CCDC146: variants seen among roughly 807,000 people sequenced by gnomAD.
CCDC146 encodes the protein coiled-coil domain containing 146.
CCDC146 carries 92 observed loss-of-function variants against 119.3 expected under a neutral mutation model. The ratio of observed to expected loss-of-function variants is 0.77; its 90% CI spans 0.65 to 0.92. The LOEUF (loss-of-function observed/expected upper bound fraction) is 0.92. Among genes scored for constraint, CCDC146 ranks in the 40% least tolerant of loss-of-function variants. CCDC146 has a pLI of 0.00. For missense variants in CCDC146, 1,000 were observed against 1,103.0 expected, an observed-to-expected ratio of 0.91 and a Z score of 1.32; for synonymous variants, 372 against 371.8, an observed-to-expected ratio of 1.00 and a Z score of -0.01.
At chr7:77,199,887 GA>G in intron 2 of CCDC146, 1 of 1,427,896 alleles carries the variant, frequency 7.0e-7, no homozygotes, top group South Asian at 1.4e-5. Flanking sequence ...GTGTTCCCAG[GA>G]AAGGGTGGGA....
intron 2 of CCDC146, among the ~76,000 whole-genome samples, chr7:77,178,103 T>C (rs1437095451): frequency 2.6e-5 from 4 of 152,248 alleles, no homozygotes; most frequent in Non-Finnish European, 5.9e-5. Context: ...GCAAAGTAGA[T>C]TAATACCCCT....
At chr7:77,290,437 G>T (rs138438868) in intron 17 of CCDC146, among the ~76,000 whole-genome samples, 2 of 152,274 alleles carry the variant, frequency 1.3e-5, no homozygotes, top group East Asian at 3.9e-4. Context: ...AGTGGAAAAT[G>T]ACTCCCCCCA....
rs191405808 is a variant in CCDC146, at chr7:77,196,162, A to G, written c.156+28338A>G. 2,563 of 718,288 alleles carry G rather than the reference A, an allele frequency of 3.6e-3. 14 individuals are homozygous for G. Among genetic ancestry groups the G allele is most frequent in the Non-Finnish European group, 4.7e-3 (2,075 of 443,050 alleles). 44.5% of individuals were successfully genotyped at this position (718,288 alleles called of 1,614,324 possible). ...CAAATGCTGTGTAGCATAAGAACCT[A>G]GCCGTCAGACATCATTTTTTAGCTA... On this transcript the variant is annotated intron_variant, in intron 2 of 18. Coordinates refer to ENST00000285871, the MANE Select transcript of CCDC146 (RefSeq NM_020879.3). This position sits in a 1 kb window ranked among gnomAD's most constrained non-coding sequence, Gnocchi z 4.2.
At chr7:77,281,571 C>G (rs539981774) in intron 14 of CCDC146, among the ~76,000 whole-genome samples, 1 of 152,108 alleles carries the variant, frequency 6.6e-6, no homozygotes, top group Non-Finnish European at 1.5e-5. Flanking sequence ...CATTAGAGTG[C>G]TAGACCTTGA....
intron 4 of CCDC146, among the ~76,000 whole-genome samples, chr7:77,244,576 C>T (rs1046801596): frequency 5.3e-5 from 8 of 152,190 alleles, no homozygotes; most frequent in African/African-American, 1.7e-4. Context: ...GTACTCAGTC[C>T]GGTAACCTGC....
intron 1 of CCDC146, among the ~76,000 whole-genome samples, chr7:77,149,632 G>T (rs548111157): frequency 9.2e-5 from 14 of 152,036 alleles, no homozygotes; most frequent in African/African-American, 3.1e-4. Context: ...TGGGCATGGT[G>T]GTGGGCACCT....
intron 2 of CCDC146, among the ~76,000 whole-genome samples, chr7:77,187,424 G>T (rs1037821837): frequency 2.0e-5 from 3 of 152,202 alleles, no homozygotes; most frequent in African/African-American, 7.2e-5. Context: ...TAGTACATAA[G>T]CTCAGTCCAA....
intron 1 of CCDC146, among the ~76,000 whole-genome samples, chr7:77,150,209 GA>G (rs1720738754): frequency 6.6e-6 from 1 of 150,848 alleles, no homozygotes; most frequent in South Asian, 2.1e-4. Flanking sequence ...AACCACAAAA[GA>G]AAAAAACAAT....
chr7:77,174,712 G>A (rs1326591418), intron 2 of CCDC146, among the ~76,000 whole-genome samples: 2 of 152,158 alleles, frequency 1.3e-5, no homozygotes, highest in African/African-American at 2.4e-5. Flanking sequence ...CTCCGAAGTC[G>A]AGTTCTGCCT....
intron 3 of CCDC146, among the ~76,000 whole-genome samples, chr7:77,237,410 T>C (rs1792758156): frequency 6.6e-6 from 1 of 152,216 alleles, no homozygotes; most frequent in East Asian, 1.9e-4. Flanking sequence ...CTCTTGGCAC[T>C]TCCAGCTTGC....
At position 77,249,181 on chromosome 7, in the gene CCDC146, G is replaced by T. The variant is rs184703738; in HGVS notation, c.450-5325G>T. On this transcript the variant is annotated intron_variant, in intron 4 of 18. Transcript: ENST00000285871. ...GCCTCATGTATTTTGATGTTCTGTT[G>T]TTAGGTGCAAATATATTAAGAATCC... 3.0e-3 allele frequency among the ~76,000 whole-genome samples: 455 copies of T among 152,212 alleles called. 3 individuals are homozygous for T. The highest frequency in any genetic ancestry group is 4.6e-3 in the Non-Finnish European group (310 of 67,996).
Position 77,199,276 on chromosome 7 carries a change from A to C in CCDC146, c.156+31452A>C, listed in dbSNP as rs772636374. 2.5e-6 allele frequency: 4 copies of C among 1,614,136 alleles called. No homozygotes were observed. In the East Asian group the frequency reaches 8.9e-5, roughly 36 times the overall value. ...TGTTAGATTTGCCACTTTGCTGTCA[A>C]CATAATTTTCTATGTTGTTCATATT... On this transcript the variant is annotated intron_variant, in intron 2 of 18. Coordinates refer to ENST00000285871, the MANE Select transcript of CCDC146 (RefSeq NM_020879.3).
intron 2 of CCDC146, among the ~76,000 whole-genome samples, chr7:77,212,164 C>G (rs1184083357): frequency 6.6e-6 from 1 of 151,934 alleles, no homozygotes; most frequent in Non-Finnish European, 1.5e-5. Flanking sequence ...ATAAAAAATA[C>G]AAAATAATAT....
chr7:77,136,864 C>A (rs1342995187), intron 1 of CCDC146, among the ~76,000 whole-genome samples: 3 of 152,096 alleles, frequency 2.0e-5, no homozygotes, highest in Non-Finnish European at 2.9e-5. Context: ...AAATCCTCAA[C>A]AAAATTGAAT....
intron 3 of CCDC146, among the ~76,000 whole-genome samples, chr7:77,237,994 A>G (rs1178372200): frequency 6.6e-6 from 1 of 152,082 alleles, no homozygotes; most frequent in Non-Finnish European, 1.5e-5. Flanking sequence ...GCAATTCCCA[A>G]TCACTTCCCC....
chr7:77,208,409 C>A (rs963660117), intron 2 of CCDC146, among the ~76,000 whole-genome samples: 1 of 152,194 alleles, frequency 6.6e-6, no homozygotes, highest in African/African-American at 2.4e-5. Context: ...GGCTACAAAT[C>A]TGTACAGTGT....
chr7:77,126,228 C>T (rs1038169234), intron 1 of CCDC146, among the ~76,000 whole-genome samples: 2 of 152,032 alleles, frequency 1.3e-5, no homozygotes, highest in African/African-American at 4.8e-5. Flanking sequence ...TGTTTTTCTT[C>T]TGATTTATTG....
intron 9 of CCDC146, among the ~76,000 whole-genome samples, chr7:77,272,685 C>G (rs1207291225): frequency 6.6e-6 from 1 of 152,142 alleles, no homozygotes; most frequent in Non-Finnish European, 1.5e-5. Context: ...GAATGGTACC[C>G]TTTCCCCATC....
In CCDC146 at chr7:77,259,064, A is replaced by G; in HGVS notation, c.754A>G (p.Lys252Glu). 1 of 1,591,078 alleles carries G rather than the reference A, an allele frequency of 6.3e-7. No individual in the cohort carries two copies. Among genetic ancestry groups the G allele is most frequent in the African/African-American group, 1.3e-5 (1 of 74,616 alleles). Residue 252 changes from lysine to glutamate, a missense_variant, in exon 7 of 19, where the codon AAA (lysine) becomes GAA (glutamate). Lys to Glu is a moderately conservative substitution (Grantham distance 56). Around this residue, in one of 2 missense-constraint regions of CCDC146, gnomAD observed 985 missense variants for 1,045.3 expected, o/e 0.94. Coordinates refer to ENST00000285871, the MANE Select transcript of CCDC146 (RefSeq NM_020879.3). ...GKEIEKITRK[K>E]VEMEKKKIVL... The stretch of plus-strand genomic sequence containing the variant: ...AGAGATAGAAAAAATAACACGCAAA[A>G]AAGTGTATGATTTAATATTTTTACT...
Sources: allele counts gnomAD v4.1 joint callset (sites outside exome capture counted in the v4.1 genomes callset), GRCh38; gene constraint gnomAD v4.1.1; regional missense constraint gnomAD v4.1.1; non-coding constraint Gnocchi (gnomAD v3.1); transcripts MANE v1.5; gene names NCBI Gene and HGNC (gene_info 2026-07-23, HGNC 2026-07-21).